PTPRO: variants seen among roughly 807,000 people sequenced by gnomAD.
PTPRO encodes protein tyrosine phosphatase receptor type O, also known as receptor-type tyrosine-protein phosphatase O.
A neutral mutation model predicts 145.2 loss-of-function variants in PTPRO; 62 were observed. That is an observed-to-expected ratio of 0.43 (90% CI 0.35 to 0.53). The LOEUF (loss-of-function observed/expected upper bound fraction) is 0.53. Ranked by LOEUF, PTPRO falls within the 20% of genes least tolerant of loss-of-function variation. The probability of loss-of-function intolerance (pLI) is 0.01; values close to 1 mark genes in which losing one functional copy is unlikely to be tolerated. For synonymous variants in PTPRO, 565 were observed against 514.7 expected (o/e 1.10, Z -1.32); for missense variants, 1,345 against 1,482.7 (o/e 0.91, Z 1.53).
chr12:15,473,261 A>G (rs1941581066), intron 1 of PTPRO, among the ~76,000 whole-genome samples: 1 of 152,148 alleles, frequency 6.6e-6, no homozygotes, highest in African/African-American at 2.4e-5. Flanking sequence ...CTACAGAGTG[A>G]GCTCCTAGAG....
Position 15,469,826 on chromosome 12 carries a change from T to C in PTPRO, c.76-14148T>C, listed in dbSNP as rs954779337. Among the ~76,000 whole-genome samples, 3 of 148,242 alleles carry C rather than the reference T, an allele frequency of 2.0e-5. No individual in the cohort carries two copies. The East Asian group carries it at 6.0e-4, about 30-fold the overall frequency. On this transcript the variant is annotated intron_variant, in intron 1 of 26. Transcript: ENST00000281171. ...ATGTGTATGTCTCAAAGAAAATCAA[T>C]GAGAAAACAGATCACAAATTTTGTA...
chr12:15,483,354 C>A (rs530665857), intron 1 of PTPRO, among the ~76,000 whole-genome samples: 9 of 152,220 alleles, frequency 5.9e-5, no homozygotes, highest in African/African-American at 2.2e-4. Flanking sequence ...AACCGCTGAT[C>A]CCCTAGACAC....
chr12:15,468,517 A>G (rs1251799000), intron 1 of PTPRO, among the ~76,000 whole-genome samples: 1 of 152,114 alleles, frequency 6.6e-6, no homozygotes. Flanking sequence ...CCAACTAATC[A>G]TCAGGTCAAC....
At chr12:15,455,868 C>T (rs909813441) in intron 1 of PTPRO, among the ~76,000 whole-genome samples, 1 of 152,140 alleles carries the variant, frequency 6.6e-6, no homozygotes, top group Non-Finnish European at 1.5e-5. Context: ...TGCCTAATTG[C>T]TCTGGCTAGG....
intron 2 of PTPRO, among the ~76,000 whole-genome samples, chr12:15,488,686 A>G (rs143242769): frequency 1.1e-4 from 16 of 152,328 alleles, no homozygotes; most frequent in African/African-American, 3.8e-4. Context: ...GTCCTTTGAT[A>G]TTTCACTATA....
At chr12:15,478,720 G>A (rs1018298620) in intron 1 of PTPRO, among the ~76,000 whole-genome samples, 5 of 152,006 alleles carry the variant, frequency 3.3e-5, no homozygotes, top group Non-Finnish European at 7.4e-5. Context: ...CGCCCAGGCT[G>A]GAGTGCAGTG....
chr12:15,582,889 T>C (rs571912930), intron 23 of PTPRO, among the ~76,000 whole-genome samples: 38 of 152,332 alleles, frequency 2.5e-4, no homozygotes, highest in Non-Finnish European at 4.9e-4. Context: ...GACAAGTCTC[T>C]GAGCAAACGC....
chr12:15,541,857 C>T (rs924501587), intron 12 of PTPRO, among the ~76,000 whole-genome samples: 2 of 152,016 alleles, frequency 1.3e-5, no homozygotes, highest in South Asian at 4.1e-4. Context: ...ACTAAAAATA[C>T]AAAAATTAGC....
At chr12:15,434,058 T>C (rs1940526981) in intron 1 of PTPRO, among the ~76,000 whole-genome samples, 1 of 152,188 alleles carries the variant, frequency 6.6e-6, no homozygotes, top group Non-Finnish European at 1.5e-5. Context: ...TTAATATGCA[T>C]ATCTTGGGTT....
At chr12:15,492,159 C>A (rs905911908) in intron 2 of PTPRO, among the ~76,000 whole-genome samples, 15 of 151,842 alleles carry the variant, frequency 9.9e-5, no homozygotes, top group Non-Finnish European at 1.8e-4. Flanking sequence ...TGAGAGGATG[C>A]AATGGCTTAA....
chr12:15,501,491 C>G, intron 4 of PTPRO, 129 bp from the exon 5 acceptor site: 1 of 841,076 alleles, frequency 1.2e-6, no homozygotes, highest in African/African-American at 1.7e-5. Context: ...GTAAATTTGT[C>G]TGTGTATCAG....
rs1260988516 is a variant in PTPRO, at chr12:15,513,185, G to C, written c.1465-2313G>C. Among the ~76,000 whole-genome samples the C allele has an allele frequency of 4.3e-5, 4 of 92,734 alleles. 1 individual carries two copies. Among genetic ancestry groups the C allele is most frequent in the East Asian group, 2.9e-4 (1 of 3,450 alleles). The allele number at this position is 92,734 out of a possible 152,430, so 60.8% of individuals were successfully genotyped here. A position where few individuals can be genotyped will look rare whatever the true frequency, so the allele number is the denominator to read the frequency against. ...AGAAAGAAAGAAAGAAAGAAAGAAA[G>C]AAAGAAAGAAAGAAAGAAAGAAAGA... On this transcript the variant is annotated intron_variant, in intron 7 of 26. Transcript: ENST00000281171.
At chr12:15,539,761 C>CAAAA (rs56061735) in intron 12 of PTPRO, among the ~76,000 whole-genome samples, 4 of 52,478 alleles carry the variant, frequency 7.6e-5, no homozygotes, top group Admixed American at 3.6e-4. Context: ...GACTCTGTCT[C>CAAAA]AAAAAAAAAA....
intron 12 of PTPRO, among the ~76,000 whole-genome samples, chr12:15,536,902 T>G (rs1425921802): frequency 6.6e-6 from 1 of 152,150 alleles, no homozygotes; most frequent in African/African-American, 2.4e-5. Context: ...AGATTATACT[T>G]GTTTAGGTCA....
intron 1 of PTPRO, among the ~76,000 whole-genome samples, chr12:15,422,288 T>C (rs1371455078): frequency 1.3e-5 from 2 of 152,214 alleles, no homozygotes; most frequent in African/African-American, 4.8e-5. Context: ...TTGTTTGTTT[T>C]TACTAATTGT....
chr12:15,466,711 C>T (rs953263068), intron 1 of PTPRO, among the ~76,000 whole-genome samples: 6 of 152,116 alleles, frequency 3.9e-5, no homozygotes, highest in Admixed American at 3.9e-4. Context: ...GAACCTAAGG[C>T]TGAGAGAAAT....
At chr12:15,591,090 C>T (rs1010218203) in intron 25 of PTPRO, among the ~76,000 whole-genome samples, 6 of 152,106 alleles carry the variant, frequency 3.9e-5, no homozygotes, top group African/African-American at 1.4e-4. Context: ...ATTTTGGGGC[C>T]TGGCGTAGTG....
intron 10 of PTPRO, among the ~76,000 whole-genome samples, chr12:15,523,019 T>C (rs1942759534): frequency 1.3e-5 from 2 of 152,368 alleles, no homozygotes; most frequent in South Asian, 4.1e-4. Flanking sequence ...TTTCCTTTAG[T>C]AGAATATTCT....
chr12:15,543,176 T>C (rs1358069638), intron 12 of PTPRO, among the ~76,000 whole-genome samples: 2 of 152,202 alleles, frequency 1.3e-5, no homozygotes, highest in Non-Finnish European at 2.9e-5. Flanking sequence ...CATTGACCTA[T>C]AGAGCTGACA....
Sources: gnomAD v4.1 joint callset for allele counts (sites outside exome capture counted in the v4.1 genomes callset) on GRCh38, gnomAD v4.1.1 for gene constraint, MANE v1.5 for transcripts, NCBI Gene and HGNC (gene_info 2026-07-23, HGNC 2026-07-21) for gene names.